The following PALMD variants were observed in gnomAD, a reference collection of about 807,000 sequenced individuals.
The protein encoded by PALMD is paralemmin-like protein.
A neutral mutation model predicts 56.2 loss-of-function variants in PALMD; 42 were observed. That is an observed-to-expected ratio of 0.75 (90% confidence interval 0.58 to 0.97). The LOEUF (loss-of-function observed/expected upper bound fraction) is 0.97, where lower values mean the gene tolerates loss of function less well. Among genes scored for constraint, PALMD ranks in the 50% least tolerant of loss-of-function variants. The pLI is 0.00. For synonymous variants in PALMD, 242 were observed against 222.9 expected (o/e 1.09, Z -0.76); for missense variants, 660 against 643.8 (o/e 1.03, Z -0.27).
chr1:99,673,262 CTTA>C (rs1283997498), intron 3 of PALMD, among the ~76,000 whole-genome samples: 1 of 151,546 alleles, frequency 6.6e-6, no homozygotes, highest in African/African-American at 2.4e-5. Context: ...CAAAGTTTAT[CTTA>C]TTATTATTTC....
chr1:99,660,276 C>T (rs1295225941), intron 1 of PALMD, among the ~76,000 whole-genome samples: 2 of 152,302 alleles, frequency 1.3e-5, no homozygotes, highest in East Asian at 1.9e-4. Flanking sequence ...GGGAATGGCA[C>T]AGTGAATTGG....
At chr1:99,678,527 G>A (rs528077578) in intron 3 of PALMD, among the ~76,000 whole-genome samples, 8 of 152,096 alleles carry the variant, frequency 5.3e-5, no homozygotes, top group Admixed American at 3.3e-4. Context: ...TTCCCTAAAT[G>A]AGAAAAAAAG....
intron 7 of PALMD, among the ~76,000 whole-genome samples, chr1:99,693,056 AT>A (rs1653697395): frequency 6.6e-6 from 1 of 152,202 alleles, no homozygotes; most frequent in South Asian, 2.1e-4. Context: ...CCCTTCTCAT[AT>A]TTGTGCAAAA....
At chr1:99,666,002 T>A (rs1652950546) in intron 2 of PALMD, among the ~76,000 whole-genome samples, 1 of 152,160 alleles carries the variant, frequency 6.6e-6, no homozygotes, top group African/African-American at 2.4e-5. Flanking sequence ...AAATTGCTCT[T>A]GTGATGTATA....
At position 99,686,980 on chromosome 1, in the gene PALMD, CTTATT is replaced by C; in HGVS notation, c.400+22_400+26del. 1 of 1,564,878 alleles carries C rather than the reference CTTATT, an allele frequency of 6.4e-7. No homozygotes were observed. The highest frequency in any genetic ancestry group is 8.8e-7 in the Non-Finnish European group (1 of 1,141,202). ...GAGCAGAAGGTATGTTTTTGAATAA[CTTATT>C]TTATGTTAAACTAAGTTTTTTTGGT... is the stretch of plus-strand genomic sequence containing the variant. On this transcript the variant is annotated intron_variant, in intron 5 of 7. Transcript: ENST00000263174.
At chr1:99,693,985 T>C in intron 7 of PALMD, 34 bp from the exon 8 acceptor site, 1 of 1,520,346 alleles carries the variant, frequency 6.6e-7, no homozygotes, top group Non-Finnish European at 9.0e-7. Flanking sequence ...GAGGATTTTT[T>C]TTATAACTCT....
intron 2 of PALMD, 157 bp from the exon 3 acceptor site, chr1:99,667,485 T>C: frequency 1.5e-6 from 1 of 681,820 alleles, no homozygotes; most frequent in African/African-American, 1.8e-5. Context: ...AAGGTTACAA[T>C]GAAAGAAAAT....
intron 6 of PALMD, among the ~76,000 whole-genome samples, chr1:99,688,536 C>A (rs538594248): frequency 2.6e-5 from 4 of 152,130 alleles, no homozygotes; most frequent in Non-Finnish European, 5.9e-5. Context: ...TAATCAACTT[C>A]TCTTCTTCAA....
At position 99,694,237 on chromosome 1, in the gene PALMD, G is replaced by C. The variant is rs555524695; in HGVS notation, c.*175G>C. The C allele has an allele frequency of 3.1e-5, 14 of 457,856 alleles. No individual in the cohort carries two copies. The highest frequency in any genetic ancestry group is 2.4e-4 in the African/African-American group (12 of 49,284). The allele number at this position is 457,856 out of a possible 1,614,324, so 28.4% of individuals were successfully genotyped here. On this transcript the variant is annotated 3_prime_UTR_variant, in exon 8 of 8. Coordinates refer to ENST00000263174, the MANE Select transcript of PALMD (RefSeq NM_017734.5). Reference sequence around the variant, plus strand: ...ATTATTTGTGAAAAATTCCCAAAAAGCTGGGGAAAACAAATGTGTAACTTT... The same window carrying C: ...ATTATTTGTGAAAAATTCCCAAAAACCTGGGGAAAACAAATGTGTAACTTT...
At chr1:99,652,694 G>GGAAAGGAAAGGAAAAGAAAAGAAAA (rs1553166835) in intron 1 of PALMD, among the ~76,000 whole-genome samples, 26 of 86,390 alleles carry the variant, frequency 3.0e-4, no homozygotes, top group East Asian at 2.4e-3. Flanking sequence ...GGAAAGGAAA[G>GGAAAGGAAAGGAAAAGAAAAGAAAA]GAAAAGAAAA....
intron 4 of PALMD, 51 bp downstream of exon 4, chr1:99,686,841 C>A (rs1289620839): frequency 1.5e-6 from 2 of 1,348,550 alleles, no homozygotes; most frequent in African/African-American, 1.5e-5. Flanking sequence ...AATGAATCCA[C>A]AAATACTATA....
intron 7 of PALMD, among the ~76,000 whole-genome samples, chr1:99,691,439 C>A (rs1266980145): frequency 6.6e-6 from 1 of 152,076 alleles, no homozygotes; most frequent in Admixed American, 6.6e-5. Context: ...AACAGGAAAA[C>A]CTATTCCAGA....
rs974081730 is a variant in PALMD at position 99,689,114 on chromosome 1, A to G, written c.854A>G (p.Glu285Gly). The part of the protein sequence containing the change: ...ETVTPGPNFQ[E>G]RIKIKTNGLG... ...GTGACCCCTGGACCAAACTTTCAAG[A>G]AAGGATAAAGATTAAAACTAATGGA... The change falls in exon 7 of 8, where the codon GAA becomes GGA. Residue 285 changes from glutamate to glycine, a missense_variant. Glu to Gly is a moderately conservative substitution (Grantham distance 98). Coordinates refer to ENST00000263174, the MANE Select transcript of PALMD (RefSeq NM_017734.5). The G allele has an allele frequency of 2.5e-6, 4 of 1,613,652 alleles. No individual in the cohort carries two copies. The highest frequency in any genetic ancestry group is 2.5e-6 in the Non-Finnish European group (3 of 1,179,792).
At chr1:99,678,853 T>G (rs1317732431) in intron 3 of PALMD, among the ~76,000 whole-genome samples, 1 of 151,970 alleles carries the variant, frequency 6.6e-6, no homozygotes, top group East Asian at 1.9e-4. Flanking sequence ...CAGCTGGACA[T>G]GGTGGCTCAC....
intron 2 of PALMD, among the ~76,000 whole-genome samples, chr1:99,666,310 TTATC>T (rs753432201): frequency 6.6e-6 from 1 of 152,068 alleles, no homozygotes; most frequent in Non-Finnish European, 1.5e-5. Context: ...CCTTTGGTAA[TTATC>T]TATCACAACT....
chr1:99,647,330 G>A (rs906536292), intron 1 of PALMD, among the ~76,000 whole-genome samples: 4 of 152,110 alleles, frequency 2.6e-5, no homozygotes, highest in East Asian at 1.9e-4. Flanking sequence ...GGGATTTTTT[G>A]TTGTTGTTCT....
intron 3 of PALMD, chr1:99,685,055 C>T (rs1231194111): frequency 1.3e-5 from 2 of 152,192 alleles, no homozygotes; most frequent in East Asian, 3.8e-4. Flanking sequence ...AAAAGAAAGA[C>T]ATACAGTATG....
intron 6 of PALMD, among the ~76,000 whole-genome samples, chr1:99,687,955 G>A (rs894829958): frequency 3.3e-5 from 5 of 152,074 alleles, no homozygotes; most frequent in African/African-American, 9.7e-5. Flanking sequence ...AGAAAGGTGG[G>A]AGGACACAAC....
At chr1:99,688,388 G>A (rs1653562455) in intron 6 of PALMD, among the ~76,000 whole-genome samples, 1 of 152,108 alleles carries the variant, frequency 6.6e-6, no homozygotes, top group Non-Finnish European at 1.5e-5. Context: ...CTTGACTAAA[G>A]AAGAGATTGA....
Sources: allele counts gnomAD v4.1 joint callset (sites outside exome capture counted in the v4.1 genomes callset), GRCh38; gene constraint gnomAD v4.1.1; transcripts MANE v1.5; gene names NCBI Gene and HGNC (gene_info 2026-07-23, HGNC 2026-07-21).